Variants in SRGAP3 observed in about 807,000 individuals in gnomAD.
The protein encoded by SRGAP3 is SLIT-ROBO Rho GTPase-activating protein 3.
Under a neutral mutation model 121.1 loss-of-function variants are expected in SRGAP3, and 39 were observed. That is an observed-to-expected ratio of 0.32 (90% CI 0.25 to 0.42). SRGAP3 has a LOEUF of 0.42. SRGAP3 is among the 10% of genes least tolerant of loss of function. SRGAP3 has a pLI of 1.00. For synonymous variants in SRGAP3, 601 were observed against 570.0 expected (o/e 1.05, Z -0.77); for missense variants, 1,213 against 1,470.6 (o/e 0.82, Z 2.86).
At chr3:9,110,413 T>C (rs1206582809) in intron 2 of SRGAP3, among the ~76,000 whole-genome samples, 4 of 151,420 alleles carry the variant, frequency 2.6e-5, no homozygotes, top group Admixed American at 6.6e-5. Flanking sequence ...CAGCAAGGAG[T>C]TGGATGCTAT....
At chr3:9,132,848 G>C (rs1949505995) in intron 1 of SRGAP3, among the ~76,000 whole-genome samples, 1 of 107,416 alleles carries the variant, frequency 9.3e-6, no homozygotes, top group African/African-American at 2.6e-5. Flanking sequence ...GGAAATATAG[G>C]GTTTTTTTTA....
At chr3:9,188,490 C>A (rs547825412) in intron 1 of SRGAP3, among the ~76,000 whole-genome samples, 1 of 152,204 alleles carries the variant, frequency 6.6e-6, no homozygotes, top group Admixed American at 6.5e-5. Flanking sequence ...CCTGTCTCCA[C>A]CCAGCAATCA....
chr3:8,985,899 C>A lies in SRGAP3; in HGVS notation c.2920G>T (p.Glu974Ter), dbSNP rs1278213239. Residue 974 changes from glutamate to a stop codon, truncating the protein, a stop_gained, in exon 22 of 22, where the codon GAG becomes TAG. Transcript: ENST00000383836. LOFTEE classifies it high-confidence loss of function. This position sits in a 1 kb window ranked among gnomAD's most constrained non-coding sequence, Gnocchi z 5.1. ...TTCTGCCTCTCGAGTTCCCGCAACT[C>A]GTGCAGAGCCGTGCTCATGGTCTTC... Reference protein sequence around the residue: ...IEKTMSTALHELRELERQNTV... With the variant: ...IEKTMSTALH The A allele has an allele frequency of 6.3e-7, 1 of 1,599,698 alleles. No individual in the cohort carries two copies. Among genetic ancestry groups the A allele is most frequent in the Non-Finnish European group, 8.5e-7 (1 of 1,179,914 alleles).
At chr3:9,107,335 G>T (rs933225149) in intron 2 of SRGAP3, among the ~76,000 whole-genome samples, 1 of 152,198 alleles carries the variant, frequency 6.6e-6, no homozygotes, top group African/African-American at 2.4e-5. Flanking sequence ...AGAGGAAGGT[G>T]GTTCCAGTCT....
chr3:9,345,785 C>CAAAAAAAAAA (rs34225108), intron 1 of SRGAP3, among the ~76,000 whole-genome samples: 2 of 65,252 alleles, frequency 3.1e-5, no homozygotes, highest in Admixed American at 1.7e-4. Context: ...GACTCCAACT[C>CAAAAAAAAAA]AAAAAAAAAA....
At chr3:9,182,351 T>C (rs1951441088) in intron 1 of SRGAP3, among the ~76,000 whole-genome samples, 1 of 151,784 alleles carries the variant, frequency 6.6e-6, no homozygotes, top group South Asian at 2.1e-4. Flanking sequence ...AAGGGGAAAT[T>C]TGGACAGAGG....
chr3:8,996,550 G>C (rs933643493), intron 18 of SRGAP3, among the ~76,000 whole-genome samples: 2 of 152,232 alleles, frequency 1.3e-5, no homozygotes, highest in African/African-American at 4.8e-5. Context: ...CCTGGGTGTT[G>C]GGAGAGAAGG....
At chr3:9,240,636 C>T (rs550318715) in intron 1 of SRGAP3, among the ~76,000 whole-genome samples, 5 of 152,258 alleles carry the variant, frequency 3.3e-5, no homozygotes, top group Admixed American at 1.3e-4. Context: ...ATAAACCTTC[C>T]ACCGTCATGG....
chr3:9,077,025 C>T (rs981999766), intron 4 of SRGAP3, among the ~76,000 whole-genome samples: 31 of 152,164 alleles, frequency 2.0e-4, no homozygotes, highest in African/African-American at 7.0e-4. Flanking sequence ...AGGTTTGTTA[C>T]GTAGGTATAC....
chr3:9,089,415 T>G lies in SRGAP3; in HGVS notation c.424-9328A>C, dbSNP rs528819696. 6.7e-5 allele frequency among the ~76,000 whole-genome samples: 10 copies of G among 148,982 alleles called. 1 individual carries two copies. In the East Asian group the frequency reaches 2.1e-3, roughly 31 times the overall value. On this transcript the variant is annotated intron_variant, in intron 3 of 21. Transcript: ENST00000383836. ...GGTCTGACTCCAAAGTTGGCACTCA[T>G]AGCAACTTACTATAATCTGCTTCCT...
chr3:9,107,570 G>C (rs78827787), intron 2 of SRGAP3, among the ~76,000 whole-genome samples: 6,634 of 152,210 alleles, frequency 0.044, 475 homozygotes, highest in African/African-American at 0.15. Context: ...AGAACACCCC[G>C]TTGACCACAC....
rs150882863 is a variant in SRGAP3 at position 9,067,484 on chromosome 3, A to C, written c.487-2903T>G. The stretch of plus-strand genomic sequence containing the variant: ...TCCTCTGTGTATGCCAGTTCCACCA[A>C]GATCACATCCAAATAACTCAATGGA... On this transcript the variant is annotated intron_variant, in intron 4 of 21. Coordinates refer to ENST00000383836, the MANE Select transcript of SRGAP3 (RefSeq NM_014850.4). 2.3e-3 allele frequency among the ~76,000 whole-genome samples: 343 copies of C among 152,134 alleles called. 8 individuals are homozygous for C. The highest frequency in any genetic ancestry group is 0.014 in the Middle Eastern group (4 of 294).
intron 1 of SRGAP3, among the ~76,000 whole-genome samples, chr3:9,170,360 C>T (rs1950932412): frequency 1.3e-5 from 2 of 152,166 alleles, no homozygotes; most frequent in East Asian, 1.9e-4. Context: ...TGTTTTTTTA[C>T]GTGGAAAACA....
intron 3 of SRGAP3, among the ~76,000 whole-genome samples, chr3:9,256,165 C>T (rs1954128823): frequency 6.6e-6 from 1 of 151,968 alleles, no homozygotes. Flanking sequence ...GGACCTGTCA[C>T]GGAGCTGCTG....
At chr3:9,269,397 C>A (rs1954431440) in intron 3 of SRGAP3, among the ~76,000 whole-genome samples, 1 of 152,188 alleles carries the variant, frequency 6.6e-6, no homozygotes, top group Non-Finnish European at 1.5e-5. Flanking sequence ...GTGTCTCCTG[C>A]AGAGCCACAT....
At chr3:9,237,477 T>C (rs1184621106) in intron 1 of SRGAP3, among the ~76,000 whole-genome samples, 1 of 152,178 alleles carries the variant, frequency 6.6e-6, no homozygotes, top group Non-Finnish European at 1.5e-5. Flanking sequence ...TCATATAGCT[T>C]TTAGTGCTCT....
At chr3:9,258,494 T>G (rs62244907) in intron 3 of SRGAP3, among the ~76,000 whole-genome samples, 13,817 of 152,216 alleles carry the variant, frequency 0.091, 782 homozygotes, top group Middle Eastern at 0.17. Context: ...GACATCAGAT[T>G]GGCCTTTGAG....
chr3:9,361,109 C>G (rs901492919), intron 1 of SRGAP3, among the ~76,000 whole-genome samples: 3 of 152,048 alleles, frequency 2.0e-5, no homozygotes, highest in African/African-American at 7.2e-5. Context: ...ACATATTTTT[C>G]ATTTTATTTT....
chr3:9,028,226 G>A (rs576826368), intron 12 of SRGAP3: 24 of 1,535,548 alleles, frequency 1.6e-5, no homozygotes, highest in African/African-American at 8.2e-5. Context: ...TTCAGAGTCC[G>A]TGAACGCCGA....
Sources: allele counts gnomAD v4.1 joint callset (sites outside exome capture counted in the v4.1 genomes callset), GRCh38; gene constraint gnomAD v4.1.1; non-coding constraint Gnocchi (gnomAD v3.1); transcripts MANE v1.5; gene names NCBI Gene and HGNC (gene_info 2026-07-23, HGNC 2026-07-21).